The following SUMO2 variants were observed in gnomAD, a reference collection of about 807,000 sequenced individuals.
SUMO2 encodes the protein small ubiquitin like modifier 2, also known as small ubiquitin-related modifier 2.
In SUMO2, 1 loss-of-function variant was observed where a neutral mutation model predicts 16.0. The observed-to-expected ratio is 0.06, with a 90% CI of 0.02 to 0.30. SUMO2 has a LOEUF of 0.30. Among genes scored for constraint, SUMO2 ranks in the 10% least tolerant of loss-of-function variants. The pLI is 1.00. For missense variants in SUMO2, 16 were observed against 117.5 expected (o/e 0.14, Z 3.99); for synonymous variants, 36 against 40.6 (o/e 0.89, Z 0.43).
In SUMO2 at chr17:75,182,910, G is replaced by A; in HGVS notation, c.-76C>T. ...TCCGCACCAAACGAGCACACAAGCAGCACCAGGAGCGGCAGAAGAAGGAGG... is the reference window on the plus strand; with the variant it reads ...TCCGCACCAAACGAGCACACAAGCAACACCAGGAGCGGCAGAAGAAGGAGG... On this transcript the variant is annotated 5_prime_UTR_variant, in exon 1 of 4. Coordinates refer to ENST00000420826, the MANE Select transcript of SUMO2 (RefSeq NM_006937.4). 2.5e-6 allele frequency: 3 copies of A among 1,222,824 alleles called. No homozygotes were observed. Among genetic ancestry groups the A allele is most frequent in the Non-Finnish European group, 3.1e-6 (3 of 954,398 alleles). The allele number at this position is 1,222,824 out of a possible 1,614,324, so 75.7% of individuals were successfully genotyped here.
intron 2 of SUMO2, among the ~76,000 whole-genome samples, chr17:75,177,763 C>T (rs1026921907): frequency 5.3e-5 from 8 of 150,854 alleles, no homozygotes; most frequent in South Asian, 4.2e-4. Context: ...GGTGGCGAGA[C>T]GGGTGGGTCA....
Position 75,166,591 on chromosome 17 carries a change from C to T in SUMO2, c.*1748G>A, listed in dbSNP as rs1228053285. 6.6e-6 allele frequency: 1 copy of T among 152,112 alleles called. No homozygotes were observed. The highest frequency in any genetic ancestry group is 2.4e-5 in the African/African-American group (1 of 41,420). The allele number at this position is 152,112 out of a possible 1,614,324, so 9.4% of individuals were successfully genotyped here. ...ATCACTTAAGATCAGGGGTTTGAGC[C>T]CGGCCTGGACAATATGGCGAAACAC... On this transcript the variant is annotated 3_prime_UTR_variant, in exon 4 of 4. Transcript: ENST00000420826.
Position 75,182,699 on chromosome 17 carries a change from G to A in SUMO2, c.21+115C>T, listed in dbSNP as rs765091383. On this transcript the variant is annotated intron_variant, in intron 1 of 3. Transcript: ENST00000420826. ...AGCGCCCGGGCCTGAGCCGCGGCCGGCCCCGTGGGGGGCCCGGGAAAGCGC... is the reference window on the plus strand; with the variant it reads ...AGCGCCCGGGCCTGAGCCGCGGCCGACCCCGTGGGGGGCCCGGGAAAGCGC... The A allele has an allele frequency of 1.3e-3, 1,166 of 904,690 alleles. 2 individuals carry two copies. The highest frequency in any genetic ancestry group is 1.5e-3 in the South Asian group (28 of 18,296). The allele number at this position is 904,690 out of a possible 1,614,324, so 56.0% of individuals were successfully genotyped here.
intron 2 of SUMO2, among the ~76,000 whole-genome samples, chr17:75,180,586 T>G (rs573728592): frequency 2.0e-5 from 3 of 151,468 alleles, no homozygotes; most frequent in Non-Finnish European, 4.4e-5. Context: ...GGCCTGGTAG[T>G]GGGCACCTGT....
intron 1 of SUMO2, 182 bp downstream of exon 1, chr17:75,182,632 G>C (rs1200715304): frequency 2.5e-6 from 1 of 398,636 alleles, no homozygotes; most frequent in Admixed American, 5.0e-5. Context: ...GCCTCCTTCG[G>C]CGCGGGAGGG....
intron 2 of SUMO2, among the ~76,000 whole-genome samples, chr17:75,178,523 AAAAAG>A (rs1301617772): frequency 5.8e-4 from 88 of 151,606 alleles, no homozygotes; most frequent in African/African-American, 2.0e-3. Flanking sequence ...AAAAAAAAAA[AAAAAG>A]AAAAGAATAC....
intron 2 of SUMO2, among the ~76,000 whole-genome samples, chr17:75,179,068 G>A (rs1352468460): frequency 2.0e-5 from 3 of 152,106 alleles, no homozygotes; most frequent in Non-Finnish European, 4.4e-5. Context: ...TTTCTATTTT[G>A]TATGCAGTTT....
chr17:75,173,956 A>G (rs2074761907), intron 3 of SUMO2, among the ~76,000 whole-genome samples: 1 of 152,228 alleles, frequency 6.6e-6, no homozygotes, highest in Admixed American at 6.5e-5. Context: ...GTTTTGTAGT[A>G]AGGATCTGGA....
intron 3 of SUMO2, among the ~76,000 whole-genome samples, chr17:75,174,101 G>C (rs1370746180): frequency 1.3e-5 from 2 of 152,156 alleles, no homozygotes; most frequent in African/African-American, 4.8e-5. Context: ...AAAATGGTGA[G>C]GATTTGGCTG....
chr17:75,179,152 A>G (rs2145225397), intron 2 of SUMO2, among the ~76,000 whole-genome samples: 1 of 152,324 alleles, frequency 6.6e-6, no homozygotes, highest in Non-Finnish European at 1.5e-5. Flanking sequence ...GTGTTCAAAT[A>G]TAGAAGATGC....
intron 3 of SUMO2, among the ~76,000 whole-genome samples, chr17:75,171,724 G>A (rs1018689631): frequency 1.3e-5 from 2 of 152,030 alleles, no homozygotes; most frequent in East Asian, 1.9e-4. Context: ...ATAACTCCTT[G>A]TTTAATATTT....
chr17:75,170,029 C>T lies in SUMO2; in HGVS notation c.226-1628G>A, dbSNP rs567887760. Among the ~76,000 whole-genome samples the T allele has an allele frequency of 7.7e-4, 116 of 150,794 alleles. 1 individual carries two copies. The highest frequency in any genetic ancestry group is 6.9e-4 in the Non-Finnish European group (47 of 67,810). ...AAACAAAACAAAAAAATTAGCTGGG[C>T]GTGGTGGCGCACGCCTGCACGCCTG... On this transcript the variant is annotated intron_variant, in intron 3 of 3. Transcript: ENST00000420826.
chr17:75,168,476 G>A, intron 3 of SUMO2, 75 bp from the exon 4 acceptor site: 1 of 1,303,946 alleles, frequency 7.7e-7, no homozygotes, highest in Non-Finnish European at 1.1e-6. Flanking sequence ...GTTTAAGTAT[G>A]CTGAAAACAT....
chr17:75,175,865 T>A (rs1030707540), intron 2 of SUMO2, among the ~76,000 whole-genome samples: 4 of 152,028 alleles, frequency 2.6e-5, no homozygotes, highest in South Asian at 4.1e-4. Flanking sequence ...ACTCCTGACC[T>A]CAAGTGATCC....
chr17:75,176,610 A>G (rs2074784165), intron 2 of SUMO2, among the ~76,000 whole-genome samples: 2 of 142,408 alleles, frequency 1.4e-5, no homozygotes, highest in African/African-American at 5.0e-5. Context: ...ACCAGATTCA[A>G]TATCAAAAAC....
chr17:75,175,229 C>A (rs571279505), intron 2 of SUMO2, among the ~76,000 whole-genome samples: 2 of 152,106 alleles, frequency 1.3e-5, no homozygotes, highest in East Asian at 3.9e-4. Context: ...GTGCTCCGTC[C>A]GCCTCAGCCT....
intron 3 of SUMO2, among the ~76,000 whole-genome samples, chr17:75,169,925 CA>C (rs2074723703): frequency 6.6e-6 from 1 of 150,394 alleles, no homozygotes; most frequent in Non-Finnish European, 1.5e-5. Context: ...GAGGCCGAGG[CA>C]GGCAGATCAC....
intron 1 of SUMO2, 94 bp downstream of exon 1, chr17:75,182,720 A>G: frequency 8.9e-7 from 1 of 1,127,410 alleles, no homozygotes; most frequent in South Asian, 4.4e-5. Flanking sequence ...GGCCCGGGAA[A>G]GCGCTGGGAG....
At chr17:75,177,980 C>T (rs1194323095) in intron 2 of SUMO2, among the ~76,000 whole-genome samples, 21 of 113,932 alleles carry the variant, frequency 1.8e-4, no homozygotes, top group Admixed American at 1.1e-3. Flanking sequence ...CAAAGCGAGA[C>T]TCCGTCTCAA....
Sources: allele counts gnomAD v4.1 joint callset (sites outside exome capture counted in the v4.1 genomes callset), GRCh38; gene constraint gnomAD v4.1.1; transcripts MANE v1.5; gene names NCBI Gene and HGNC (gene_info 2026-07-23, HGNC 2026-07-21).